GRIP2: variants seen among roughly 807,000 people sequenced by gnomAD.
GRIP2 encodes glutamate receptor interacting protein 2, also known as glutamate receptor-interacting protein 2.
Under a neutral mutation model 108.3 loss-of-function variants are expected in GRIP2, and 58 were observed. That is an observed-to-expected ratio of 0.54 (90% CI 0.43 to 0.67). The LOEUF (loss-of-function observed/expected upper bound fraction) is 0.67. Among genes scored for constraint, GRIP2 ranks in the 30% least tolerant of loss-of-function variants. The pLI is 0.00. For missense variants in GRIP2, 1,278 were observed against 1,430.6 expected, an observed-to-expected ratio of 0.89 and a Z score of 1.72; for synonymous variants, 586 against 598.2, an observed-to-expected ratio of 0.98 and a Z score of 0.30.
In GRIP2 at chr3:14,527,406, G is replaced by GA. The variant is rs376240800; in HGVS notation, c.41-1476dup. 9.4e-5 allele frequency among the ~76,000 whole-genome samples: 11 copies of GA among 116,562 alleles called. No homozygotes were observed. The East Asian group carries it at 1.3e-3, about 13-fold the overall frequency. The allele number at this position is 116,562 out of a possible 152,430, so 76.5% of individuals were successfully genotyped here. A position where few individuals can be genotyped will look rare whatever the true frequency, so the allele number is the denominator to read the frequency against. On this transcript the variant is annotated intron_variant, in intron 1 of 23. Transcript: ENST00000621039. Reference sequence around the variant, plus strand: ...AGGAAAGGAAAGAAAGGAAAGGAAAGAAGGAAAGCGAGGGGAGGGGAGGGG... The same window carrying GA: ...AGGAAAGGAAAGAAAGGAAAGGAAAGAAAGGAAAGCGAGGGGAGGGGAGGGG...
intron 21 of GRIP2, among the ~76,000 whole-genome samples, chr3:14,500,652 A>G (rs1693739883): frequency 1.3e-5 from 2 of 152,376 alleles, no homozygotes; most frequent in East Asian, 1.9e-4. Context: ...AAAGACATTT[A>G]TAAACTTCTA....
At chr3:14,572,724 T>A in the GRIP2 span, 2 of 506,350 alleles carry the variant, frequency 3.9e-6, no homozygotes, top group South Asian at 2.1e-5. Context: ...ACAAGAGTTC[T>A]GTCTTCAGGA....
At chr3:14,573,326 C>A in the GRIP2 span, 1 of 1,407,752 alleles carries the variant, frequency 7.1e-7, no homozygotes, top group Admixed American at 1.7e-5. Context: ...CACCACTCAG[C>A]AGGTAGATGA....
chr3:14,536,751 A>G (rs988631658), intron 1 of GRIP2, among the ~76,000 whole-genome samples: 2 of 152,192 alleles, frequency 1.3e-5, no homozygotes, highest in Non-Finnish European at 2.9e-5. Flanking sequence ...ATGTCAAGGA[A>G]CGTGACCTCA....
chr3:14,602,830 C>T, the GRIP2 span, among the ~76,000 whole-genome samples: 1 of 151,692 alleles, frequency 6.6e-6, no homozygotes, highest in Non-Finnish European at 1.5e-5. The surrounding 1 kb of genome is among the most constrained non-coding windows in gnomAD (Gnocchi z 4.7). Context: ...TCCCCGGCGC[C>T]CCAGGCGTGT....
chr3:14,532,907 G>A (rs1559349262), intron 1 of GRIP2, among the ~76,000 whole-genome samples: 1 of 152,224 alleles, frequency 6.6e-6, no homozygotes, highest in African/African-American at 2.4e-5. Flanking sequence ...GCCTGACAGC[G>A]TTCCCACCTG....
At chr3:14,513,322 T>C (rs1259215549) in intron 13 of GRIP2, among the ~76,000 whole-genome samples, 1 of 152,222 alleles carries the variant, frequency 6.6e-6, no homozygotes, top group Non-Finnish European at 1.5e-5. Context: ...GGGAGTGTCC[T>C]GTCCAAAGCC....
intron 2 of GRIP2, 43 bp downstream of exon 2, chr3:14,525,808 G>A: frequency 6.5e-7 from 1 of 1,535,272 alleles, no homozygotes; most frequent in Non-Finnish European, 8.8e-7. Flanking sequence ...GGCTCTCTGT[G>A]CCTCCAGGGC....
At position 14,521,324 on chromosome 3, in the gene GRIP2, C is replaced by G; in HGVS notation, c.712+318G>C. 1 of 266,772 alleles carries G rather than the reference C, an allele frequency of 3.7e-6. No homozygotes were observed. Among genetic ancestry groups the G allele is most frequent in the South Asian group, 1.1e-4 (1 of 9,152 alleles). The allele number at this position is 266,772 out of a possible 1,614,324, so 16.5% of individuals were successfully genotyped here. A position where few individuals can be genotyped will look rare whatever the true frequency, so the allele number is the denominator to read the frequency against. On this transcript the variant is annotated intron_variant, in intron 7 of 23. Transcript: ENST00000621039. This position sits in a 1 kb window ranked among gnomAD's most constrained non-coding sequence, Gnocchi z 5.1. ...CCCCCAGCCTGTCCCATCTCTCTCC[C>G]CTGCCTCTTTTCTTTTTTCCATAGC...
intron 22 of GRIP2, among the ~76,000 whole-genome samples, chr3:14,495,475 C>A (rs1693568628): frequency 6.6e-6 from 1 of 152,158 alleles, no homozygotes; most frequent in African/African-American, 2.4e-5. Context: ...GGCGTGATCT[C>A]AGCTCACTGC....
In GRIP2 at chr3:14,507,464, T is replaced by G; in HGVS notation, c.2218+97A>C. ...CAGGCCCGCCTCCACAGGGCTGCAG[T>G]GAGGACTCTGTGAGGGTGTGCAGGC... On this transcript the variant is annotated intron_variant, in intron 18 of 23. Transcript: ENST00000621039. The surrounding 1 kb of genome is among the most constrained non-coding windows in gnomAD (Gnocchi z 4.6). 2.1e-6 allele frequency: 3 copies of G among 1,450,778 alleles called. No homozygotes were observed. Among genetic ancestry groups the G allele is most frequent in the Non-Finnish European group, 2.9e-6 (3 of 1,047,136 alleles). 89.9% of individuals were successfully genotyped at this position (1,450,778 alleles called of 1,614,324 possible).
chr3:14,506,835 G>T lies in GRIP2; in HGVS notation c.2364C>A (p.Asp788Glu), dbSNP rs754339113. The T allele has an allele frequency of 6.2e-6, 10 of 1,606,384 alleles. No homozygotes were observed. The South Asian group carries it at 8.9e-5, about 14-fold the overall frequency. Reference sequence around the variant, plus strand: ...CAAAGCCACCCTCGGTGGCCGAGCTGTCCCAAGACTCCACAGCACTGTCCA... The same window carrying T: ...CAAAGCCACCCTCGGTGGCCGAGCTTTCCCAAGACTCCACAGCACTGTCCA... The part of the protein sequence containing the change: ...PSVDSAVESW[D>E]SSATEGGFGG... The change falls in exon 19 of 24, where the codon GAC becomes GAA. Residue 788 changes from aspartate (D) to glutamate (E), a missense_variant. Transcript: ENST00000621039.
chr3:14,568,149 G>A, the GRIP2 span, among the ~76,000 whole-genome samples: 2 of 152,172 alleles, frequency 1.3e-5, no homozygotes, highest in Non-Finnish European at 2.9e-5. Flanking sequence ...AGAGGGAGGT[G>A]GGAGCCATGG....
At chr3:14,568,131 T>A in the GRIP2 span, among the ~76,000 whole-genome samples, 2 of 152,104 alleles carry the variant, frequency 1.3e-5, no homozygotes, top group African/African-American at 4.8e-5. Flanking sequence ...AGGACTTTGG[T>A]CTTCCTCAGA....
At chr3:14,573,433 G>C in the GRIP2 span, 4 of 1,437,110 alleles carry the variant, frequency 2.8e-6, no homozygotes, top group South Asian at 4.6e-5. Context: ...CTGGTGTGCA[G>C]GAAGAGGGAC....
At chr3:14,573,064 C>T in the GRIP2 span, 34 of 1,391,172 alleles carry the variant, frequency 2.4e-5, no homozygotes, top group Admixed American at 1.8e-4. Context: ...CGCTAGAAGG[C>T]GAAGGAGAGA....
At chr3:14,578,354 TATC>T in the GRIP2 span, among the ~76,000 whole-genome samples, 1 of 152,162 alleles carries the variant, frequency 6.6e-6, no homozygotes, top group African/African-American at 2.4e-5. Flanking sequence ...ATAGGGATAA[TATC>T]ATGATTTATC....
chr3:14,517,703 A>G, intron 10 of GRIP2, 69 bp downstream of exon 10: 2 of 1,572,828 alleles, frequency 1.3e-6, no homozygotes, highest in Non-Finnish European at 1.7e-6. Flanking sequence ...TCCCTTAGAC[A>G]ACAGGCATCG....
In GRIP2 at chr3:14,511,300, G is replaced by A. The variant is rs1319905950; in HGVS notation, c.1798C>T (p.Leu600=). Reference sequence around the variant, plus strand: ...GCCAGTAGCTTGTCGCCTGGCTCCAGGGTGCCCGTCCTGCATGAGTCGGGG... The same window carrying A: ...GCCAGTAGCTTGTCGCCTGGCTCCAAGGTGCCCGTCCTGCATGAGTCGGGG... ...KGSVAHRTGT[L]EPGDKLLAID... The change falls in exon 16 of 24, where the codon CTG becomes TTG. Residue 600 remains leucine, a synonymous_variant. Coordinates refer to ENST00000621039, the MANE Select transcript of GRIP2 (RefSeq NM_001080423.4). This position sits in a 1 kb window ranked among gnomAD's most constrained non-coding sequence, Gnocchi z 4.1. 1.9e-6 allele frequency: 3 copies of A among 1,614,020 alleles called. No homozygotes were observed. Among genetic ancestry groups the A allele is most frequent in the East Asian group, 2.2e-5 (1 of 44,868 alleles).
Sources: allele counts gnomAD v4.1 joint callset (sites outside exome capture counted in the v4.1 genomes callset), GRCh38; gene constraint gnomAD v4.1.1; non-coding constraint Gnocchi (gnomAD v3.1); transcripts MANE v1.5; gene names NCBI Gene and HGNC (gene_info 2026-07-23, HGNC 2026-07-21).